Variants in BPNT1 observed in about 807,000 individuals in gnomAD.
The protein encoded by BPNT1 is 3'(2'), 5'-bisphosphate nucleotidase 1.
Under a neutral mutation model 36.9 loss-of-function variants are expected in BPNT1, and 28 were observed. The ratio of observed to expected loss-of-function variants is 0.76; its 90% CI spans 0.56 to 1.04. The LOEUF (loss-of-function observed/expected upper bound fraction) is 1.04. Among genes scored for constraint, BPNT1 ranks in the 50% least tolerant of loss-of-function variants. BPNT1 has a pLI of 0.00. For missense variants in BPNT1, 313 were observed against 372.9 expected (o/e 0.84, Z 1.32); for synonymous variants, 119 against 130.9 (o/e 0.91, Z 0.62).
Position 220,062,861 on chromosome 1 carries a change from G to A in BPNT1, c.568C>T (p.His190Tyr). Residue 190 changes from histidine to tyrosine, a missense_variant, in exon 7 of 9, where the codon CAC becomes TAC. Transcript: ENST00000322067. ...FQLKEVPAGK[H>Y]IITTTRSHSN... ...TGGGATCGAGTAGTTGTGATAATGT[G>A]TTTCCCAGCAGGGACTTCTTTCAGC... 6.2e-7 allele frequency: 1 copy of A among 1,614,116 alleles called. No homozygotes were observed. The highest frequency in any genetic ancestry group is 8.5e-7 in the Non-Finnish European group (1 of 1,180,020).
intron 1 of BPNT1, among the ~76,000 whole-genome samples, chr1:220,084,288 C>G (rs149792067): frequency 6.6e-6 from 1 of 150,834 alleles, no homozygotes; most frequent in Non-Finnish European, 1.5e-5. Flanking sequence ...GCTGAGATTG[C>G]GGCCACTACA....
rs112494414 is a variant in BPNT1, at chr1:220,087,314, C to A, written c.-9+2372G>T. On this transcript the variant is annotated intron_variant, in intron 1 of 8. Transcript: ENST00000322067. ...GCGGTGGCCTGTAATCCCAGCACTT[C>A]GGGAGGCCAAGTCGGGCGGATGACG... is the stretch of plus-strand genomic sequence containing the variant. 7.0e-3 allele frequency among the ~76,000 whole-genome samples: 1,069 copies of A among 152,096 alleles called. 16 individuals are homozygous for A. Among genetic ancestry groups the A allele is most frequent in the African/African-American group, 0.024 (1,007 of 41,520 alleles).
chr1:220,079,716 A>G lies in BPNT1; in HGVS notation c.120+11T>C. 1 of 1,613,608 alleles carries G rather than the reference A, an allele frequency of 6.2e-7. No individual in the cohort carries two copies. Reference sequence around the variant, plus strand: ...TCAAGTTGGTATGAAATGATATGAGAGTTTGAGTACCTTCTCCACAATACC... The same window carrying G: ...TCAAGTTGGTATGAAATGATATGAGGGTTTGAGTACCTTCTCCACAATACC... On this transcript the variant is annotated intron_variant, in intron 2 of 8. Transcript: ENST00000322067.
At chr1:220,072,107 A>C (rs575197487) in intron 4 of BPNT1, among the ~76,000 whole-genome samples, 45 of 150,892 alleles carry the variant, frequency 3.0e-4, no homozygotes, top group South Asian at 2.3e-3. Flanking sequence ...TCAAGCCTGT[A>C]ATCCCAGCAC....
Position 220,074,024 on chromosome 1 carries a change from C to T in BPNT1, c.168G>A (p.Met56Ile), listed in dbSNP as rs1277104933. Residue 56 changes from methionine to isoleucine, a missense_variant, in exon 3 of 9, where the codon ATG (methionine) becomes ATA (isoleucine). Transcript: ENST00000322067. ...LQTKADRLAQ[M>I]SICSSLARKF... ...TCCGGGCCAATGAAGAACATATGCT[C>T]ATCTGTGCCAATCGGTCAGCTTTGG... 1 of 1,614,136 alleles carries T rather than the reference C, an allele frequency of 6.2e-7. No individual in the cohort carries two copies. The highest frequency in any genetic ancestry group is 8.5e-7 in the Non-Finnish European group (1 of 1,180,022).
intron 8 of BPNT1, among the ~76,000 whole-genome samples, chr1:220,059,248 T>C (rs187523053): frequency 0.011 from 1,394 of 125,274 alleles, 45 homozygotes; most frequent in South Asian, 0.11. Flanking sequence ...CTTTTCTTTT[T>C]TTTTTTTTTT....
In BPNT1 at chr1:220,084,182, AT is replaced by A. The variant is rs1347404528; in HGVS notation, c.-8-4329del. Reference sequence around the variant, plus strand: ...CCAGTCTCTACTAAAAATACAAAAAATTAGTCGGGCGTGGTGGTGGGCACCT... The same window carrying A: ...CCAGTCTCTACTAAAAATACAAAAAATAGTCGGGCGTGGTGGTGGGCACCT... On this transcript the variant is annotated intron_variant, in intron 1 of 8. Transcript: ENST00000322067. Among the ~76,000 whole-genome samples the A allele has an allele frequency of 2.0e-5, 3 of 152,134 alleles. No homozygotes were observed. In the East Asian group the frequency reaches 5.8e-4, roughly 29 times the overall value.
chr1:220,059,761 C>A lies in BPNT1; in HGVS notation c.703G>T (p.Ala235Ser), dbSNP rs1662854585. The A allele has an allele frequency of 6.2e-7, 1 of 1,609,132 alleles. No homozygotes were observed. Among genetic ancestry groups the A allele is most frequent in the Admixed American group, 1.7e-5 (1 of 58,888 alleles). Residue 235 changes from alanine (A) to serine (S), a missense_variant, in exon 8 of 9, where the codon GCT (alanine) becomes TCT (serine). Physicochemically the swap from Ala to Ser is moderately conservative, Grantham distance 99. Coordinates refer to ENST00000322067, the MANE Select transcript of BPNT1 (RefSeq NM_006085.6). ...IIQLIEGKAS[A>S]YVFASPGCKK... is the part of the protein sequence containing the mutation. ...CAACCAGGACTTGCAAATACATAAG[C>A]AGAGGCTTTGCCTTCAATCAGCTGA...
chr1:220,085,374 G>A (rs942588571), intron 1 of BPNT1, among the ~76,000 whole-genome samples: 3 of 152,182 alleles, frequency 2.0e-5, no homozygotes. Context: ...GTGCTTAAGG[G>A]CACAGGCTCT....
At chr1:220,085,515 T>A (rs1655631500) in intron 1 of BPNT1, among the ~76,000 whole-genome samples, 2 of 152,200 alleles carry the variant, frequency 1.3e-5, no homozygotes, top group Non-Finnish European at 2.9e-5. Context: ...AATTATTAAA[T>A]GAGTAACACG....
chr1:220,085,624 T>G (rs923318642), intron 1 of BPNT1, among the ~76,000 whole-genome samples: 1 of 152,230 alleles, frequency 6.6e-6, no homozygotes, highest in African/African-American at 2.4e-5. Flanking sequence ...GCAGGGACAT[T>G]AGGGCAGTGT....
At position 220,059,587 on chromosome 1, in the gene BPNT1, T is replaced by G. The variant is rs1025271239; in HGVS notation, c.778+99A>C. The G allele has an allele frequency of 9.8e-6, 9 of 920,242 alleles. No homozygotes were observed. The African/African-American group carries it at 1.4e-4, about 14-fold the overall frequency. 57.0% of individuals were successfully genotyped at this position (920,242 alleles called of 1,614,324 possible). ...TCTAAGCTGCCTTCTAGCTTTTATA[T>G]CGTAACAGTCTAAGTAAAATAATAT... is the stretch of plus-strand genomic sequence containing the variant. On this transcript the variant is annotated intron_variant, in intron 8 of 8. Coordinates refer to ENST00000322067, the MANE Select transcript of BPNT1 (RefSeq NM_006085.6).
chr1:220,058,824 C>A lies in BPNT1; in HGVS notation c.*20G>T. ...GATTACAGGCATGAGCCACCGCGCC[C>A]GGCCAAATGAAACTTTCCTTTAAGG... On this transcript the variant is annotated 3_prime_UTR_variant, in exon 9 of 9. Transcript: ENST00000322067. 6.2e-7 allele frequency: 1 copy of A among 1,612,080 alleles called. No homozygotes were observed. The highest frequency in any genetic ancestry group is 8.5e-7 in the Non-Finnish European group (1 of 1,178,640).
At chr1:220,078,368 CTAT>C (rs1484837891) in intron 2 of BPNT1, among the ~76,000 whole-genome samples, 1 of 137,684 alleles carries the variant, frequency 7.3e-6, no homozygotes, top group Non-Finnish European at 1.5e-5. Flanking sequence ...ACAAATATAA[CTAT>C]TAATTATATA....
chr1:220,088,915 C>T (rs1358952390), intron 1 of BPNT1, among the ~76,000 whole-genome samples: 3 of 150,514 alleles, frequency 2.0e-5, no homozygotes, highest in Admixed American at 1.3e-4. Context: ...CTGACTAACA[C>T]GGTGAAACCC....
At chr1:220,082,085 T>TATATAGAGAGAGAG (rs1171093697) in intron 1 of BPNT1, among the ~76,000 whole-genome samples, 10 of 103,294 alleles carry the variant, frequency 9.7e-5, no homozygotes, top group African/African-American at 3.8e-4. Flanking sequence ...TATATATATA[T>TATATAGAGAGAGAG]AGAGAGAGAG....
chr1:220,074,140 G>C, intron 2 of BPNT1, 69 bp from the exon 3 acceptor site: 1 of 1,360,176 alleles, frequency 7.4e-7, no homozygotes. Flanking sequence ...CCTTGTGCAT[G>C]AGTGCCTACA....
intron 4 of BPNT1, among the ~76,000 whole-genome samples, chr1:220,070,521 A>G (rs1047049995): frequency 2.0e-5 from 3 of 151,104 alleles, no homozygotes; most frequent in Non-Finnish European, 2.9e-5. Flanking sequence ...AATTTTTTGT[A>G]TTTTTAGTAG....
intron 1 of BPNT1, among the ~76,000 whole-genome samples, chr1:220,086,102 A>C (rs560160566): frequency 6.6e-6 from 1 of 152,338 alleles, no homozygotes; most frequent in African/African-American, 2.4e-5. Flanking sequence ...TCAATTATCA[A>C]AATATGATAA....
Sources: allele counts gnomAD v4.1 joint callset (sites outside exome capture counted in the v4.1 genomes callset), GRCh38; gene constraint gnomAD v4.1.1; transcripts MANE v1.5; gene names NCBI Gene and HGNC (gene_info 2026-07-23, HGNC 2026-07-21).